The following KCNJ4 variants were observed in gnomAD, a reference collection of about 807,000 sequenced individuals.
KCNJ4 encodes the protein potassium inwardly rectifying channel subfamily J member 4.
KCNJ4 carries 3 observed loss-of-function variants against 25.6 expected under a neutral mutation model. That is an observed-to-expected ratio of 0.12 (90% CI 0.05 to 0.30). The LOEUF is 0.30. Ranked by LOEUF, KCNJ4 falls within the 10% of genes least tolerant of loss-of-function variation. KCNJ4 has a pLI of 1.00. For synonymous variants in KCNJ4, 257 were observed against 283.9 expected (o/e 0.91, Z 0.95); for missense variants, 286 against 666.8 (o/e 0.43, Z 6.29).
At chr22:38,431,680 G>C (rs2093050188) in intron 1 of KCNJ4, among the ~76,000 whole-genome samples, 1 of 152,232 alleles carries the variant, frequency 6.6e-6, no homozygotes, top group African/African-American at 2.4e-5. Context: ...TTGGTCTGCA[G>C]TGACTTGCTC....
intron 1 of KCNJ4, among the ~76,000 whole-genome samples, chr22:38,446,020 G>C (rs2089372085): frequency 6.6e-6 from 1 of 152,150 alleles, no homozygotes; most frequent in Non-Finnish European, 1.5e-5. Flanking sequence ...GGACTCTTTG[G>C]GGTCTGGTTC....
At position 38,428,120 on chromosome 22, in the gene KCNJ4, T is replaced by C. The variant is rs1370098129; in HGVS notation, c.13A>G (p.Ser5Gly). 6.2e-7 allele frequency: 1 copy of C among 1,611,160 alleles called. No individual in the cohort carries two copies. The highest frequency in any genetic ancestry group is 1.3e-5 in the African/African-American group (1 of 74,924). Residue 5 changes from serine to glycine, a missense_variant, in exon 2 of 2, where the codon AGC becomes GGC. Physicochemically the swap from Ser to Gly is moderately conservative, Grantham distance 56 (BLOSUM62 0). This residue lies in a region of KCNJ4 where 32 missense variants were observed against 38.4 expected (regional missense o/e 0.83). Transcript: ENST00000303592. MHGHSRNGQAHVPRR... is the reference protein window; with the variant it reads MHGHGRNGQAHVPRR... Reference sequence around the variant, plus strand: ...GGCACGTGGGCCTGGCCGTTGCGGCTGTGTCCGTGCATGTCCTGAAGCCGG... The same window carrying C: ...GGCACGTGGGCCTGGCCGTTGCGGCCGTGTCCGTGCATGTCCTGAAGCCGG...
chr22:38,439,268 C>G (rs1026634005), intron 1 of KCNJ4, among the ~76,000 whole-genome samples: 1 of 151,776 alleles, frequency 6.6e-6, no homozygotes, highest in Non-Finnish European at 1.5e-5. Context: ...TCTATCTCTA[C>G]TAAAAATACA....
intron 1 of KCNJ4, among the ~76,000 whole-genome samples, chr22:38,445,191 C>T (rs766088204): frequency 3.9e-5 from 6 of 151,998 alleles, no homozygotes; most frequent in Non-Finnish European, 7.4e-5. Flanking sequence ...GAATTTGGCC[C>T]GGCCTGGGAT....
chr22:38,449,962 G>A lies in KCNJ4; in HGVS notation c.-40+5018C>T, dbSNP rs971549378. Reference sequence around the variant, plus strand: ...CACCACCCCGTGAGCGCCCGTGTGCGCGCCTGCAGGAGCGCGCGTGTGTGA... The same window carrying A: ...CACCACCCCGTGAGCGCCCGTGTGCACGCCTGCAGGAGCGCGCGTGTGTGA... On this transcript the variant is annotated intron_variant, in intron 1 of 1. Transcript: ENST00000303592. The surrounding 1 kb of genome is among the most constrained non-coding windows in gnomAD (Gnocchi z 5.2). Among the ~76,000 whole-genome samples, 1 of 152,226 alleles carries A rather than the reference G, an allele frequency of 6.6e-6. No homozygotes were observed. Among genetic ancestry groups the A allele is most frequent in the East Asian group, 1.9e-4 (1 of 5,186 alleles).
intron 1 of KCNJ4, among the ~76,000 whole-genome samples, chr22:38,438,233 C>T (rs1348162757): frequency 8.3e-6 from 1 of 120,436 alleles, no homozygotes; most frequent in African/African-American, 3.7e-5. Flanking sequence ...GAGCGATACT[C>T]TGTCTCAAAA....
intron 1 of KCNJ4, among the ~76,000 whole-genome samples, chr22:38,430,268 C>T (rs551831919): frequency 1.3e-3 from 191 of 152,246 alleles, no homozygotes; most frequent in Non-Finnish European, 2.4e-3. Flanking sequence ...TTTGGGAGGC[C>T]GAGGCGGGTG....
At chr22:38,429,325 A>G (rs2093042434) in intron 1 of KCNJ4, among the ~76,000 whole-genome samples, 1 of 152,080 alleles carries the variant, frequency 6.6e-6, no homozygotes, top group Admixed American at 6.6e-5. Flanking sequence ...CGCTATTCCC[A>G]TGTCCCAGGT....
In KCNJ4 at chr22:38,436,934, C is replaced by T. The variant is rs548168400; in HGVS notation, c.-39-8763G>A. Among the ~76,000 whole-genome samples the T allele has an allele frequency of 4.6e-5, 7 of 152,326 alleles. 1 individual carries two copies. Among genetic ancestry groups the T allele is most frequent in the African/African-American group, 9.6e-5 (4 of 41,562 alleles). On this transcript the variant is annotated intron_variant, in intron 1 of 1. Transcript: ENST00000303592. ...CCTGCCTCGAAGAAATACTGTCACA[C>T]GCTTGCTTCCACCTGGTACACATCC...
At chr22:38,448,999 G>C (rs918519013) in intron 1 of KCNJ4, among the ~76,000 whole-genome samples, 1 of 151,314 alleles carries the variant, frequency 6.6e-6, no homozygotes. Context: ...TGCTGGGGTC[G>C]GGAACACCAA....
At chr22:38,442,495 TGA>T (rs201780628) in intron 1 of KCNJ4, among the ~76,000 whole-genome samples, 3,370 of 136,910 alleles carry the variant, frequency 0.025, 132 homozygotes, top group African/African-American at 0.09. Flanking sequence ...TGCAGTGAGC[TGA>T]GATTGCACCA....
chr22:38,430,858 C>T (rs1023568204), intron 1 of KCNJ4, among the ~76,000 whole-genome samples: 6 of 152,314 alleles, frequency 3.9e-5, no homozygotes, highest in African/African-American at 1.4e-4. Context: ...ATATCGGAGA[C>T]CAAGGACATC....
chr22:38,449,233 A>C lies in KCNJ4; in HGVS notation c.-40+5747T>G, dbSNP rs1003770781. ...GTACCCACCTCCCTTCAGGTGGCCA[A>C]TGAGGGTCCTGGAGGGGCTGGCACT... On this transcript the variant is annotated intron_variant, in intron 1 of 1. Transcript: ENST00000303592. The surrounding 1 kb of genome is among the most constrained non-coding windows in gnomAD (Gnocchi z 5.2). 6.6e-6 allele frequency among the ~76,000 whole-genome samples: 1 copy of C among 152,130 alleles called. No individual in the cohort carries two copies. The highest frequency in any genetic ancestry group is 1.5e-5 in the Non-Finnish European group (1 of 68,006).
chr22:38,426,923 C>T lies in KCNJ4; in HGVS notation c.1210G>A (p.Glu404Lys). Reference protein sequence around the residue: ...AAAVAAGLGLEAGSKEEAGII... With the variant: ...AAAVAAGLGLKAGSKEEAGII... ...CCCGCCTCCTCCTTGGAACCCGCCT[C>T]CAGGCCCAGGCCTGCGGCCACCGCG... is the stretch of plus-strand genomic sequence containing the variant. Residue 404 changes from glutamate to lysine, a missense_variant, in exon 2 of 2, where the codon GAG becomes AAG. This residue lies in a region of KCNJ4 where 77 missense variants were observed against 97.6 expected (regional missense o/e 0.79). Coordinates refer to ENST00000303592, the MANE Select transcript of KCNJ4 (RefSeq NM_152868.3). The T allele has an allele frequency of 6.2e-7, 1 of 1,612,776 alleles. No homozygotes were observed. The highest frequency in any genetic ancestry group is 8.5e-7 in the Non-Finnish European group (1 of 1,179,870).
intron 1 of KCNJ4, among the ~76,000 whole-genome samples, chr22:38,441,416 C>T (rs2089332224): frequency 6.6e-6 from 1 of 152,132 alleles, no homozygotes; most frequent in African/African-American, 2.4e-5. Flanking sequence ...GACCCTCATC[C>T]CCGCACTCCA....
At position 38,426,771 on chromosome 22, in the gene KCNJ4, A is replaced by C. The variant is rs769683590; in HGVS notation, c.*24T>G. The C allele has an allele frequency of 8.8e-6, 14 of 1,584,040 alleles. No individual in the cohort carries two copies. In the East Asian group the frequency reaches 2.9e-4, roughly 33 times the overall value. On this transcript the variant is annotated 3_prime_UTR_variant, in exon 2 of 2. Coordinates refer to ENST00000303592, the MANE Select transcript of KCNJ4 (RefSeq NM_152868.3). ...ACCCCCGGCAGAGGCTCTTGTGGGC[A>C]GTGGTGAGGGCCGGGCCTGGAGGTC... is the stretch of plus-strand genomic sequence containing the variant.
chr22:38,448,748 T>G (rs1423931466), intron 1 of KCNJ4, among the ~76,000 whole-genome samples: 1 of 152,128 alleles, frequency 6.6e-6, no homozygotes, highest in Non-Finnish European at 1.5e-5. Flanking sequence ...GTCTCCGGAC[T>G]CGGTTTCTCC....
chr22:38,430,422 G>C (rs1225152188), intron 1 of KCNJ4, among the ~76,000 whole-genome samples: 3 of 152,200 alleles, frequency 2.0e-5, no homozygotes, highest in Non-Finnish European at 2.9e-5. Flanking sequence ...AGGATCGCTT[G>C]AACCTGGGAG....
chr22:38,448,346 A>G (rs989384334), intron 1 of KCNJ4, among the ~76,000 whole-genome samples: 2 of 151,804 alleles, frequency 1.3e-5, no homozygotes, highest in Non-Finnish European at 2.9e-5. Flanking sequence ...AAGGCTGAGC[A>G]CGCCCCACCA....
Sources: gnomAD v4.1 joint callset for allele counts (sites outside exome capture counted in the v4.1 genomes callset) on GRCh38, gnomAD v4.1.1 for gene constraint, gnomAD v4.1.1 regional missense constraint, Gnocchi (gnomAD v3.1) non-coding constraint, MANE v1.5 for transcripts, NCBI Gene and HGNC (gene_info 2026-07-23, HGNC 2026-07-21) for gene names.